Variants in NSMCE2 observed in about 807,000 individuals in gnomAD.
NSMCE2 encodes NSE2 SUMO ligase component of SMC5/6 complex.
In NSMCE2, 24 loss-of-function variants were observed where a neutral mutation model predicts 23.8. That is an observed-to-expected ratio of 1.01 (90% CI 0.73 to 1.42). The LOEUF (loss-of-function observed/expected upper bound fraction) is 1.42, where lower values mean the gene tolerates loss of function less well. NSMCE2 is among the 40% of genes most tolerant of loss of function. The pLI is 0.00. For synonymous variants in NSMCE2, 92 were observed against 94.1 expected, an observed-to-expected ratio of 0.98 and a Z score of 0.13; for missense variants, 284 against 296.5, an observed-to-expected ratio of 0.96 and a Z score of 0.31.
At chr8:125,251,986 T>C (rs1033669958) in intron 5 of NSMCE2, among the ~76,000 whole-genome samples, 2 of 152,196 alleles carry the variant, frequency 1.3e-5, no homozygotes, top group African/African-American at 2.4e-5. Context: ...AATATCACTT[T>C]GGTGATAAAC....
intron 3 of NSMCE2, among the ~76,000 whole-genome samples, chr8:125,138,059 A>G (rs527763166): frequency 7.9e-5 from 12 of 152,316 alleles, no homozygotes; most frequent in Non-Finnish European, 1.6e-4. Context: ...TGAAATTCAG[A>G]AAGACTTTCT....
At chr8:125,249,203 GA>G (rs1826109381) in intron 5 of NSMCE2, among the ~76,000 whole-genome samples, 1 of 151,912 alleles carries the variant, frequency 6.6e-6, no homozygotes, top group Admixed American at 6.6e-5. Context: ...AGCCATGAGT[GA>G]AATTCAATCT....
Position 125,190,537 on chromosome 8 carries a change from T to G in NSMCE2, c.418+8281T>G, listed in dbSNP as rs374321892. ...TAGATTTGGGGGACCAAATAAATAA[T>G]TAAGAAAAAGATTAATTCAAATTAA... is the stretch of plus-strand genomic sequence containing the variant. On this transcript the variant is annotated intron_variant, in intron 5 of 7. Coordinates refer to ENST00000287437, the MANE Select transcript of NSMCE2 (RefSeq NM_173685.4). Among the ~76,000 whole-genome samples the G allele has an allele frequency of 3.3e-5, 5 of 152,278 alleles. No individual in the cohort carries two copies. In the South Asian group the frequency reaches 1.0e-3, roughly 32 times the overall value.
At chr8:125,208,318 A>G (rs1396339683) in intron 5 of NSMCE2, among the ~76,000 whole-genome samples, 2 of 152,234 alleles carry the variant, frequency 1.3e-5, no homozygotes, top group Non-Finnish European at 2.9e-5. Context: ...TGGTTTACCT[A>G]TACAGTATTT....
chr8:125,283,111 A>G (rs72720581), intron 5 of NSMCE2, among the ~76,000 whole-genome samples: 3,726 of 152,356 alleles, frequency 0.024, 56 homozygotes, highest in Non-Finnish European at 0.036. Flanking sequence ...TAATATCTAC[A>G]TCATAGAGTT....
intron 5 of NSMCE2, among the ~76,000 whole-genome samples, chr8:125,279,707 CTTGA>C (rs1044294026): frequency 6.6e-6 from 1 of 152,134 alleles, no homozygotes; most frequent in Non-Finnish European, 1.5e-5. Flanking sequence ...AGTGTGTCAT[CTTGA>C]TTATTAGGAA....
In NSMCE2 at chr8:125,248,294, A is replaced by G. The variant is rs1197551650; in HGVS notation, c.418+66038A>G. Among the ~76,000 whole-genome samples, 4 of 152,238 alleles carry G rather than the reference A, an allele frequency of 2.6e-5. No homozygotes were observed. In the East Asian group the frequency reaches 7.7e-4, roughly 29 times the overall value. The stretch of plus-strand genomic sequence containing the variant: ...TATTGCCCTACTTCTGAGACAATAA[A>G]GACAAAAGCAATTGCTTCAAACTTG... On this transcript the variant is annotated intron_variant, in intron 5 of 7. Transcript: ENST00000287437.
chr8:125,277,522 T>C (rs1284402936), intron 5 of NSMCE2, among the ~76,000 whole-genome samples: 1 of 152,094 alleles, frequency 6.6e-6, no homozygotes, highest in Non-Finnish European at 1.5e-5. Flanking sequence ...TTTTTTTTTT[T>C]TCGAGATGAA....
intron 4 of NSMCE2, among the ~76,000 whole-genome samples, chr8:125,160,506 G>T (rs1447915444): frequency 1.3e-5 from 2 of 152,208 alleles, no homozygotes; most frequent in Non-Finnish European, 2.9e-5. Context: ...TCAGTGTTGT[G>T]ACCAGAAAGG....
chr8:125,361,764 C>A (rs1326460995), intron 7 of NSMCE2, among the ~76,000 whole-genome samples: 1 of 152,166 alleles, frequency 6.6e-6, no homozygotes, highest in Non-Finnish European at 1.5e-5. Flanking sequence ...TGTTATCACT[C>A]CCCGTGCTGC....
chr8:125,228,018 C>G (rs534328605), intron 5 of NSMCE2, among the ~76,000 whole-genome samples: 13 of 152,090 alleles, frequency 8.5e-5, no homozygotes, highest in Non-Finnish European at 1.8e-4. Context: ...CACTGGTTGT[C>G]TTTCAGTGGA....
intron 4 of NSMCE2, among the ~76,000 whole-genome samples, chr8:125,165,209 T>C (rs537520860): frequency 2.6e-5 from 4 of 152,340 alleles, no homozygotes; most frequent in African/African-American, 7.2e-5. Context: ...TGGCAAGGAT[T>C]AAATGAGATA....
intron 1 of NSMCE2, among the ~76,000 whole-genome samples, chr8:125,100,331 C>A (rs1338648591): frequency 1.3e-5 from 2 of 152,080 alleles, no homozygotes; most frequent in African/African-American, 4.8e-5. Context: ...CCTGCCTTTT[C>A]CTTTGCCTGA....
chr8:125,243,110 A>G (rs1825821065), intron 5 of NSMCE2, among the ~76,000 whole-genome samples: 1 of 152,220 alleles, frequency 6.6e-6, no homozygotes, highest in African/African-American at 2.4e-5. Flanking sequence ...ATAGAGTGAA[A>G]AAGACATTGG....
At chr8:125,322,956 G>A (rs1273027406) in intron 5 of NSMCE2, among the ~76,000 whole-genome samples, 1 of 152,246 alleles carries the variant, frequency 6.6e-6, no homozygotes, top group Non-Finnish European at 1.5e-5. Context: ...CTACTTGGGA[G>A]GCTGAGGTGG....
At chr8:125,157,013 G>A (rs866924554) in intron 4 of NSMCE2, among the ~76,000 whole-genome samples, 4 of 152,100 alleles carry the variant, frequency 2.6e-5, no homozygotes, top group African/African-American at 7.2e-5. Flanking sequence ...TTATTCTATG[G>A]TACCTGAGAG....
At chr8:125,343,450 G>A (rs1424027883) in intron 5 of NSMCE2, among the ~76,000 whole-genome samples, 1 of 152,146 alleles carries the variant, frequency 6.6e-6, no homozygotes, top group Non-Finnish European at 1.5e-5. Context: ...GAAATTAGAA[G>A]AGACAGAAGA....
At chr8:125,170,937 C>T (rs1460685641) in intron 4 of NSMCE2, among the ~76,000 whole-genome samples, 1 of 152,112 alleles carries the variant, frequency 6.6e-6, no homozygotes, top group South Asian at 2.1e-4. Flanking sequence ...CTGTGCAAAA[C>T]CTTCACACAT....
chr8:125,347,485 T>G (rs1347054231), intron 5 of NSMCE2, among the ~76,000 whole-genome samples: 1 of 152,212 alleles, frequency 6.6e-6, no homozygotes, highest in Non-Finnish European at 1.5e-5. Context: ...TATCTGTCTC[T>G]CCTACCAGAC....
Sources: gnomAD v4.1 joint callset for allele counts (sites outside exome capture counted in the v4.1 genomes callset) on GRCh38, gnomAD v4.1.1 for gene constraint, MANE v1.5 for transcripts, NCBI Gene and HGNC (gene_info 2026-07-23, HGNC 2026-07-21) for gene names.